PRIM2: variants seen among roughly 807,000 people sequenced by gnomAD.
PRIM2 encodes DNA primase large subunit.
Under a neutral mutation model 67.3 loss-of-function variants are expected in PRIM2, and 39 were observed. That is an observed-to-expected ratio of 0.58 (90% CI 0.45 to 0.76). The LOEUF is 0.76. Among genes scored for constraint, PRIM2 ranks in the 30% least tolerant of loss-of-function variants. The probability of loss-of-function intolerance (pLI) is 0.00; values close to 1 mark genes in which losing one functional copy is unlikely to be tolerated. For missense variants in PRIM2, 398 were observed against 598.7 expected (o/e 0.66, Z 3.50); for synonymous variants, 143 against 198.7 (o/e 0.72, Z 2.36).
chr6:57,506,881 A>T (rs2127459498), intron 7 of PRIM2, among the ~76,000 whole-genome samples: 1 of 152,172 alleles, frequency 6.6e-6, no homozygotes, highest in South Asian at 2.1e-4. Flanking sequence ...TACTTAAAAG[A>T]TATCCTTGGT....
At chr6:57,394,008 TC>T (rs1770442687) in intron 7 of PRIM2, among the ~76,000 whole-genome samples, 1 of 152,136 alleles carries the variant, frequency 6.6e-6, no homozygotes, top group Non-Finnish European at 1.5e-5. Flanking sequence ...TCTATTCTGT[TC>T]CATTGGTCTG....
chr6:57,269,007 C>A, the PRIM2 span, among the ~76,000 whole-genome samples: 1 of 151,656 alleles, frequency 6.6e-6, no homozygotes, highest in Non-Finnish European at 1.5e-5. Context: ...TGTATATGTG[C>A]CACATTTTCT....
intron 7 of PRIM2, among the ~76,000 whole-genome samples, chr6:57,484,819 T>C (rs1206996276): frequency 6.6e-6 from 1 of 152,230 alleles, no homozygotes; most frequent in Non-Finnish European, 1.5e-5. Flanking sequence ...AATAGCCTTT[T>C]GGTCCCAACC....
At chr6:57,511,629 A>G (rs1554347724) in intron 8 of PRIM2, among the ~76,000 whole-genome samples, 1 of 152,082 alleles carries the variant, frequency 6.6e-6, no homozygotes, top group Non-Finnish European at 1.5e-5. Context: ...TTGGACTGAA[A>G]TTTATTCTTT....
intron 12 of PRIM2, among the ~76,000 whole-genome samples, chr6:57,622,636 GTT>G (rs1337918112): frequency 6.6e-6 from 1 of 152,090 alleles, no homozygotes; most frequent in African/African-American, 2.4e-5. Flanking sequence ...AAGGAAATGT[GTT>G]TTAGAATTTT....
At chr6:57,247,229 T>A in the PRIM2 span, among the ~76,000 whole-genome samples, 1 of 152,206 alleles carries the variant, frequency 6.6e-6, no homozygotes, top group African/African-American at 2.4e-5. Context: ...ACTAGGTTTA[T>A]CCCTTTCAGG....
the PRIM2 span, among the ~76,000 whole-genome samples, chr6:57,255,932 A>G: frequency 6.6e-6 from 1 of 152,174 alleles, no homozygotes; most frequent in Non-Finnish European, 1.5e-5. Context: ...TTCTTTATCT[A>G]TTACACAGTG....
intron 5 of PRIM2, among the ~76,000 whole-genome samples, chr6:57,363,930 G>A (rs1289603312): frequency 6.6e-6 from 1 of 151,942 alleles, no homozygotes; most frequent in Non-Finnish European, 1.5e-5. Flanking sequence ...TCATCCTCAG[G>A]TTGTGTCTTC....
At chr6:57,263,708 T>G in the PRIM2 span, among the ~76,000 whole-genome samples, 2 of 152,214 alleles carry the variant, frequency 1.3e-5, no homozygotes, top group Non-Finnish European at 2.9e-5. Flanking sequence ...ATTTTAAAAT[T>G]GAATAGCAGC....
the PRIM2 span, chr6:57,222,032 C>A: frequency 6.6e-6 from 1 of 152,386 alleles, no homozygotes; most frequent in African/African-American, 2.4e-5. Context: ...CCGTCCCCCA[C>A]CGGCCGCGGA....
chr6:57,257,556 C>T, the PRIM2 span, among the ~76,000 whole-genome samples: 1 of 152,140 alleles, frequency 6.6e-6, no homozygotes, highest in Non-Finnish European at 1.5e-5. Context: ...CAGGCGTGAG[C>T]CATCGCGCCC....
intron 10 of PRIM2, among the ~76,000 whole-genome samples, chr6:57,567,154 A>G (rs1240929307): frequency 6.6e-6 from 1 of 152,164 alleles, no homozygotes; most frequent in Non-Finnish European, 1.5e-5. Context: ...TTTGATCAGC[A>G]TGGGGATTAG....
the PRIM2 span, among the ~76,000 whole-genome samples, chr6:57,244,810 G>A: frequency 1.3e-5 from 2 of 152,084 alleles, no homozygotes; most frequent in Non-Finnish European, 2.9e-5. Context: ...CACTGCAGCA[G>A]TTTTCAAAAC....
At chr6:57,228,574 CAT>C in the PRIM2 span, among the ~76,000 whole-genome samples, 244 of 152,316 alleles carry the variant, frequency 1.6e-3, 1 homozygote, top group African/African-American at 5.6e-3. Context: ...AAAGATGAGA[CAT>C]GTGCGATAAT....
intron 8 of PRIM2, among the ~76,000 whole-genome samples, chr6:57,520,112 G>A (rs1304657105): frequency 6.6e-6 from 1 of 152,202 alleles, no homozygotes; most frequent in Non-Finnish European, 1.5e-5. Context: ...AGGATGTAAT[G>A]TGACTGTTGG....
the PRIM2 span, among the ~76,000 whole-genome samples, chr6:57,282,419 A>G: frequency 6.6e-6 from 1 of 152,100 alleles, no homozygotes; most frequent in East Asian, 1.9e-4. Flanking sequence ...TGCTTCCTAA[A>G]TGGTTCTACC....
chr6:57,237,135 T>C, the PRIM2 span, among the ~76,000 whole-genome samples: 2 of 151,960 alleles, frequency 1.3e-5, no homozygotes, highest in African/African-American at 4.8e-5. Context: ...TATCTCATTG[T>C]GGTTTTGATT....
chr6:57,493,359 A>C (rs1330246294), intron 7 of PRIM2, among the ~76,000 whole-genome samples: 12 of 152,220 alleles, frequency 7.9e-5, no homozygotes, highest in Non-Finnish European at 1.8e-4. Flanking sequence ...AGGTAATGTT[A>C]ATGTAATTTA....
chr6:57,500,216 T>G (rs1423927321), intron 7 of PRIM2, among the ~76,000 whole-genome samples: 3 of 152,204 alleles, frequency 2.0e-5, no homozygotes, highest in Non-Finnish European at 4.4e-5. Context: ...GCTCTTCATC[T>G]TGGATCCCTA....
Sources: gnomAD v4.1 joint callset for allele counts (sites outside exome capture counted in the v4.1 genomes callset) on GRCh38, gnomAD v4.1.1 for gene constraint, MANE v1.5 for transcripts, NCBI Gene and HGNC (gene_info 2026-07-23, HGNC 2026-07-21) for gene names.